PRKD1: variants seen among roughly 807,000 people sequenced by gnomAD.
PRKD1 encodes serine/threonine-protein kinase D1.
PRKD1 carries 63 observed loss-of-function variants against 95.9 expected under a neutral mutation model. The observed-to-expected ratio is 0.66, with a 90% CI of 0.54 to 0.81. The LOEUF is 0.81. PRKD1 is among the 30% of genes least tolerant of loss of function. The probability of loss-of-function intolerance (pLI) is 0.00; values close to 1 mark genes in which losing one functional copy is unlikely to be tolerated. For synonymous variants in PRKD1, 425 were observed against 423.1 expected (o/e 1.00, Z -0.05); for missense variants, 1,048 against 1,165.3 (o/e 0.90, Z 1.47).
chr14:29,814,295 G>C (rs749494613), intron 1 of PRKD1, among the ~76,000 whole-genome samples: 1 of 152,142 alleles, frequency 6.6e-6, no homozygotes, highest in Non-Finnish European at 1.5e-5. Context: ...ACAACACTGG[G>C]TCAGCATTTG....
intron 8 of PRKD1, among the ~76,000 whole-genome samples, chr14:29,634,072 C>T (rs1288250578): frequency 6.6e-6 from 1 of 152,142 alleles, no homozygotes; most frequent in Non-Finnish European, 1.5e-5. Flanking sequence ...TATTCTCTGC[C>T]TAGAATGCAG....
intron 1 of PRKD1, among the ~76,000 whole-genome samples, chr14:29,761,783 T>TTA (rs1566585439): frequency 9.4e-6 from 1 of 106,722 alleles, no homozygotes; most frequent in African/African-American, 3.5e-5. Context: ...GTTCTTTCTT[T>TTA]TTTTTTTTTT....
chr14:29,704,339 G>A (rs1884978333), intron 2 of PRKD1, among the ~76,000 whole-genome samples: 1 of 152,126 alleles, frequency 6.6e-6, no homozygotes, highest in Non-Finnish European at 1.5e-5. Context: ...TGTACTAGTA[G>A]CCACTCATCC....
intron 13 of PRKD1, among the ~76,000 whole-genome samples, chr14:29,623,304 A>C (rs897044959): frequency 6.6e-6 from 1 of 152,220 alleles, no homozygotes; most frequent in African/African-American, 2.4e-5. Flanking sequence ...GACAGAATTC[A>C]TATCTTTTTC....
chr14:29,770,988 A>C (rs1888482480), intron 1 of PRKD1, among the ~76,000 whole-genome samples: 2 of 151,926 alleles, frequency 1.3e-5, no homozygotes, highest in Admixed American at 6.6e-5. Flanking sequence ...AGAAAATTAA[A>C]GAAAAAGAAT....
rs551768696 is a variant in PRKD1, at chr14:29,600,841, G to C, written c.1906-1024C>G. On this transcript the variant is annotated intron_variant, in intron 13 of 17. Transcript: ENST00000331968. ...CTTGTAATAATGCTTAAATCTGAAC[G>C]TTCTTCTGGGTCATCAACAAATGCC... Among the ~76,000 whole-genome samples, 51 of 144,608 alleles carry C rather than the reference G, an allele frequency of 3.5e-4. 1 individual carries two copies. Among genetic ancestry groups the C allele is most frequent in the African/African-American group, 1.2e-3 (47 of 38,024 alleles). 94.9% of individuals were successfully genotyped at this position (144,608 alleles called of 152,430 possible). A position where few individuals can be genotyped will look rare whatever the true frequency, so the allele number is the denominator to read the frequency against.
intron 16 of PRKD1, chr14:29,592,573 A>G (rs1255514872): frequency 6.7e-6 from 1 of 149,350 alleles, no homozygotes; most frequent in African/African-American, 2.5e-5. Flanking sequence ...AAATACATAC[A>G]TACAGATAGA....
chr14:29,838,708 T>C (rs1175427814), intron 1 of PRKD1, among the ~76,000 whole-genome samples: 2 of 152,158 alleles, frequency 1.3e-5, no homozygotes, highest in African/African-American at 2.4e-5. Flanking sequence ...TATATATAAA[T>C]GCAAGATATA....
In PRKD1 at chr14:29,578,403, A is replaced by G. The variant is rs780048652; in HGVS notation, c.2435-43T>C. The G allele has an allele frequency of 5.1e-6, 7 of 1,379,308 alleles. No homozygotes were observed. The South Asian group carries it at 8.5e-5, about 17-fold the overall frequency. The allele number at this position is 1,379,308 out of a possible 1,614,324, so 85.4% of individuals were successfully genotyped here. A position where few individuals can be genotyped will look rare whatever the true frequency, so the allele number is the denominator to read the frequency against. On this transcript the variant is annotated intron_variant, in intron 16 of 17. Transcript: ENST00000331968. ...TAAAAATAGATGACAAATCTGTAAC[A>G]TATGCATAATTCATTTATAGTTTAT...
At chr14:29,632,249 A>G (rs933832773) in intron 9 of PRKD1, among the ~76,000 whole-genome samples, 7 of 152,214 alleles carry the variant, frequency 4.6e-5, no homozygotes, top group African/African-American at 1.7e-4. Context: ...TGTGACAGCT[A>G]TGTAAAATGG....
At chr14:29,654,459 C>G (rs571946058) in intron 4 of PRKD1, among the ~76,000 whole-genome samples, 1 of 152,220 alleles carries the variant, frequency 6.6e-6, no homozygotes, top group South Asian at 2.1e-4. Context: ...TAGGTGTGAG[C>G]CACTGTGCTT....
At position 29,897,420 on chromosome 14, in the gene PRKD1, AAC is replaced by A. The variant is rs1894173005; in HGVS notation, c.264+29827_264+29828del. Among the ~76,000 whole-genome samples the A allele has an allele frequency of 2.0e-5, 3 of 152,312 alleles. No homozygotes were observed. In the South Asian group the frequency reaches 6.2e-4, roughly 32 times the overall value. On this transcript the variant is annotated intron_variant, in intron 1 of 17. Coordinates refer to ENST00000331968, the MANE Select transcript of PRKD1 (RefSeq NM_002742.3). ...CCTGCACATATAATAACACATGCCAAACACAGACAATCCTAGACACTGCACTG... is the reference window on the plus strand; with the variant it reads ...CCTGCACATATAATAACACATGCCAAACAGACAATCCTAGACACTGCACTG...
chr14:29,597,433 T>G, intron 16 of PRKD1, 58 bp downstream of exon 16: 1 of 1,417,254 alleles, frequency 7.1e-7, no homozygotes. Context: ...TTAATTTAAA[T>G]TAATAACATA....
At position 29,804,234 on chromosome 14, in the gene PRKD1, C is replaced by CT. The variant is rs1329781484; in HGVS notation, c.265-78561dup. ...TCCAGTATGGGCAACAAGAACGAAA[C>CT]TAAAAAAAAAAAAAAAAATGTATGC... is the stretch of plus-strand genomic sequence containing the variant. On this transcript the variant is annotated intron_variant, in intron 1 of 17. Coordinates refer to ENST00000331968, the MANE Select transcript of PRKD1 (RefSeq NM_002742.3). 4.0e-4 allele frequency among the ~76,000 whole-genome samples: 46 copies of CT among 115,070 alleles called. 1 individual carries two copies. The highest frequency in any genetic ancestry group is 3.8e-3 in the Admixed American group (46 of 12,026). The allele number at this position is 115,070 out of a possible 152,430, so 75.5% of individuals were successfully genotyped here.
At chr14:29,583,738 A>G (rs1892823910) in intron 16 of PRKD1, among the ~76,000 whole-genome samples, 1 of 152,046 alleles carries the variant, frequency 6.6e-6, no homozygotes, top group Admixed American at 6.6e-5. Flanking sequence ...GTACATTTCC[A>G]TTTTAAAATT....
At chr14:29,755,177 G>T (rs879387527) in intron 1 of PRKD1, among the ~76,000 whole-genome samples, 3 of 152,086 alleles carry the variant, frequency 2.0e-5, no homozygotes, top group Non-Finnish European at 4.4e-5. Context: ...TATGAATTCT[G>T]TGTCTGCTTT....
chr14:29,653,716 G>A (rs1020749217), intron 4 of PRKD1, among the ~76,000 whole-genome samples: 5 of 151,816 alleles, frequency 3.3e-5, no homozygotes, highest in Non-Finnish European at 7.4e-5. Context: ...TCTTCTCCAT[G>A]TGAAAAAAAT....
chr14:29,612,733 T>G (rs1878558615), intron 13 of PRKD1, among the ~76,000 whole-genome samples: 1 of 152,210 alleles, frequency 6.6e-6, no homozygotes. Context: ...CAGTTTATTT[T>G]GGAACATGCA....
chr14:29,701,353 G>C (rs1220861623), intron 2 of PRKD1, among the ~76,000 whole-genome samples: 1 of 152,174 alleles, frequency 6.6e-6, no homozygotes, highest in Non-Finnish European at 1.5e-5. Context: ...CTGATGCACA[G>C]TACACTTGAG....
Sources: gnomAD v4.1 joint callset for allele counts (sites outside exome capture counted in the v4.1 genomes callset) on GRCh38, gnomAD v4.1.1 for gene constraint, MANE v1.5 for transcripts, NCBI Gene and HGNC (gene_info 2026-07-23, HGNC 2026-07-21) for gene names.